DSCAM: variants seen among roughly 807,000 people sequenced by gnomAD.
DSCAM encodes the protein DS cell adhesion molecule.
DSCAM carries 47 observed loss-of-function variants against 217.7 expected under a neutral mutation model. The ratio of observed to expected loss-of-function variants is 0.22; its 90% CI spans 0.17 to 0.28. The LOEUF (loss-of-function observed/expected upper bound fraction) is 0.28, where lower values mean the gene tolerates loss of function less well. DSCAM is among the 10% of genes least tolerant of loss of function. The probability of loss-of-function intolerance (pLI) is 1.00; values close to 1 mark genes in which losing one functional copy is unlikely to be tolerated. For missense variants in DSCAM, 2,080 were observed against 2,618.3 expected (o/e 0.79, Z 4.49); for synonymous variants, 1,056 against 1,015.3 (o/e 1.04, Z -0.76).
At chr21:40,626,179 G>A (rs1291822663) in intron 3 of DSCAM, among the ~76,000 whole-genome samples, 1 of 152,086 alleles carries the variant, frequency 6.6e-6, no homozygotes, top group Non-Finnish European at 1.5e-5. Context: ...GGACAGAGGA[G>A]TGTTGCGCAA....
At chr21:40,450,214 T>A (rs922634120) in intron 3 of DSCAM, among the ~76,000 whole-genome samples, 1 of 152,148 alleles carries the variant, frequency 6.6e-6, no homozygotes, top group African/African-American at 2.4e-5. Context: ...CAACGTAACA[T>A]AAAATAATAC....
At chr21:40,274,903 C>A (rs1176641521) in intron 11 of DSCAM, among the ~76,000 whole-genome samples, 1 of 152,076 alleles carries the variant, frequency 6.6e-6, no homozygotes, top group Non-Finnish European at 1.5e-5. Flanking sequence ...GTTTAGCTAG[C>A]CTTTCAATAT....
At chr21:40,829,264 A>G (rs2091994118) in intron 1 of DSCAM, among the ~76,000 whole-genome samples, 1 of 152,232 alleles carries the variant, frequency 6.6e-6, no homozygotes, top group South Asian at 2.1e-4. Flanking sequence ...AGTAAATCAT[A>G]TGAGGTTATC....
At chr21:40,413,284 G>A (rs2123799478) in intron 3 of DSCAM, among the ~76,000 whole-genome samples, 1 of 152,292 alleles carries the variant, frequency 6.6e-6, no homozygotes, top group East Asian at 1.9e-4. Context: ...CAGAAAGGTA[G>A]ATCCACTGAC....
At chr21:40,527,994 T>A (rs923694845) in intron 3 of DSCAM, among the ~76,000 whole-genome samples, 1 of 152,162 alleles carries the variant, frequency 6.6e-6, no homozygotes, top group Non-Finnish European at 1.5e-5. Context: ...CCATCCATCA[T>A]CTCTGTGTCT....
chr21:40,668,057 T>C lies in DSCAM; in HGVS notation c.508+24753A>G, dbSNP rs530394830. On this transcript the variant is annotated intron_variant, in intron 3 of 32. Transcript: ENST00000400454. The stretch of plus-strand genomic sequence containing the variant: ...CAGTCTCATTCTATTAACTCTGCTA[T>C]CCCATAGCCAGCATGTTTAGAGATA... Among the ~76,000 whole-genome samples, 4 of 152,318 alleles carry C rather than the reference T, an allele frequency of 2.6e-5. No individual in the cohort carries two copies. In the East Asian group the frequency reaches 7.7e-4, roughly 29 times the overall value.
rs186453271 is a variant in DSCAM at position 40,444,776 on chromosome 21, G to A, written c.509-75531C>T. 3.4e-3 allele frequency among the ~76,000 whole-genome samples: 524 copies of A among 152,270 alleles called. 3 individuals are homozygous for A. The highest frequency in any genetic ancestry group is 0.012 in the African/African-American group (494 of 41,554). Reference sequence around the variant, plus strand: ...GGATCAAGGTCTTCTGATGCTCAGTGACTGTTCACACTGAACAATGGCAGA... The same window carrying A: ...GGATCAAGGTCTTCTGATGCTCAGTAACTGTTCACACTGAACAATGGCAGA... On this transcript the variant is annotated intron_variant, in intron 3 of 32. Transcript: ENST00000400454.
chr21:40,775,110 G>T (rs2091477093), intron 1 of DSCAM, among the ~76,000 whole-genome samples: 1 of 151,948 alleles, frequency 6.6e-6, no homozygotes, highest in African/African-American at 2.4e-5. Context: ...AATCCTGAAA[G>T]ATTGAAATCC....
chr21:40,153,395 G>A (rs2090444759), intron 16 of DSCAM, among the ~76,000 whole-genome samples: 1 of 152,312 alleles, frequency 6.6e-6, no homozygotes. Context: ...CTGAGCTAAA[G>A]GGTGACTGGA....
chr21:40,538,175 C>A (rs1377491579), intron 3 of DSCAM, among the ~76,000 whole-genome samples: 1 of 152,188 alleles, frequency 6.6e-6, no homozygotes, highest in Non-Finnish European at 1.5e-5. Flanking sequence ...CGGTCACTCA[C>A]TCCTGAGAGC....
chr21:40,501,161 GA>G (rs1163858131), intron 3 of DSCAM, among the ~76,000 whole-genome samples: 1 of 152,072 alleles, frequency 6.6e-6, no homozygotes, highest in Non-Finnish European at 1.5e-5. Context: ...TAATTTTTAG[GA>G]TAAGTATGCT....
chr21:40,438,642 C>A (rs2075604437), intron 3 of DSCAM, among the ~76,000 whole-genome samples: 2 of 152,158 alleles, frequency 1.3e-5, no homozygotes, highest in South Asian at 4.1e-4. Flanking sequence ...GTAAAAGCTA[C>A]CATGTTGGCC....
At chr21:40,356,700 C>T (rs1005055723) in intron 4 of DSCAM, among the ~76,000 whole-genome samples, 3 of 152,142 alleles carry the variant, frequency 2.0e-5, no homozygotes, top group African/African-American at 7.2e-5. Context: ...GATAATGGAT[C>T]AGAAAGATAA....
intron 3 of DSCAM, among the ~76,000 whole-genome samples, chr21:40,514,281 C>T (rs2076282700): frequency 6.6e-6 from 1 of 152,150 alleles, no homozygotes; most frequent in Non-Finnish European, 1.5e-5. Flanking sequence ...TTTTTCCACC[C>T]TGTTTTCACT....
intron 3 of DSCAM, among the ~76,000 whole-genome samples, chr21:40,626,364 AC>A (rs1219107263): frequency 6.6e-6 from 1 of 151,706 alleles, no homozygotes; most frequent in Non-Finnish European, 1.5e-5. Context: ...ACCTGAAATA[AC>A]CCCCATCTGA....
intron 3 of DSCAM, among the ~76,000 whole-genome samples, chr21:40,411,045 A>G (rs907496895): frequency 1.3e-5 from 2 of 152,162 alleles, no homozygotes; most frequent in African/African-American, 4.8e-5. Context: ...AGTTTACATC[A>G]TATGTAGAAA....
At chr21:40,842,694 C>G (rs535892719) in intron 1 of DSCAM, among the ~76,000 whole-genome samples, 1 of 152,104 alleles carries the variant, frequency 6.6e-6, no homozygotes, top group Non-Finnish European at 1.5e-5. Context: ...GCCAGCTACC[C>G]GGAGGTCCAG....
chr21:40,394,380 A>G (rs117928488), intron 3 of DSCAM, among the ~76,000 whole-genome samples: 2,368 of 152,362 alleles, frequency 0.016, 30 homozygotes, highest in Middle Eastern at 0.031. Context: ...TCCCAATGCC[A>G]CATTCTTTCT....
intron 3 of DSCAM, among the ~76,000 whole-genome samples, chr21:40,369,946 A>G (rs1330864045): frequency 1.3e-5 from 2 of 152,142 alleles, no homozygotes; most frequent in Non-Finnish European, 2.9e-5. Flanking sequence ...CACCTCAAGA[A>G]AAAAAATTCA....
Sources: allele counts gnomAD v4.1 joint callset (sites outside exome capture counted in the v4.1 genomes callset), GRCh38; gene constraint gnomAD v4.1.1; transcripts MANE v1.5; gene names NCBI Gene and HGNC (gene_info 2026-07-23, HGNC 2026-07-21).